The following RSU1 variants were observed in gnomAD, a reference collection of about 807,000 sequenced individuals.
The protein encoded by RSU1 is rsu-1.
A neutral mutation model predicts 31.1 loss-of-function variants in RSU1; 26 were observed. The observed-to-expected ratio is 0.84, with a 90% CI of 0.61 to 1.16. The LOEUF (loss-of-function observed/expected upper bound fraction) is 1.16, where lower values mean the gene tolerates loss of function less well. RSU1 is among the 50% of genes most tolerant of loss of function. RSU1 has a pLI of 0.00. For synonymous variants in RSU1, 164 were observed against 136.3 expected, an observed-to-expected ratio of 1.20 and a Z score of -1.41; for missense variants, 320 against 339.1, an observed-to-expected ratio of 0.94 and a Z score of 0.44.
At chr10:16,686,929 A>C (rs571572332) in intron 8 of RSU1, among the ~76,000 whole-genome samples, 1 of 152,322 alleles carries the variant, frequency 6.6e-6, no homozygotes, top group East Asian at 1.9e-4. Flanking sequence ...ATTGAATAAA[A>C]TGCAAATTGC....
At chr10:16,643,738 A>T (rs1403868776) in intron 8 of RSU1, among the ~76,000 whole-genome samples, 1 of 152,182 alleles carries the variant, frequency 6.6e-6, no homozygotes, top group Non-Finnish European at 1.5e-5. Context: ...TGCGCATACT[A>T]AGAGCACCTG....
chr10:16,760,932 T>G (rs1487455205), intron 4 of RSU1, among the ~76,000 whole-genome samples: 1 of 152,036 alleles, frequency 6.6e-6, no homozygotes, highest in African/African-American at 2.4e-5. Flanking sequence ...AAATTGGAGC[T>G]CGTTTATTTA....
intron 8 of RSU1, among the ~76,000 whole-genome samples, chr10:16,648,118 T>TA (rs35212403): frequency 0.2 from 28,626 of 142,450 alleles, 3,483 homozygotes; most frequent in South Asian, 0.35. Context: ...CTGGCTAATT[T>TA]AAAAAAAAAA....
rs764159802 is a variant in RSU1, at chr10:16,646,059, TATACAC to T, written c.731+48958_731+48963del. ...GTATATACATATATGTGTATATATA[TATACAC>T]ACACACACACACACACACACACACA... On this transcript the variant is annotated intron_variant, in intron 8 of 8. Transcript: ENST00000345264. 1.1e-3 allele frequency among the ~76,000 whole-genome samples: 36 copies of T among 31,462 alleles called. 7 individuals carry two copies. The highest frequency in any genetic ancestry group is 3.8e-3 in the Admixed American group (7 of 1,846). 20.6% of individuals were successfully genotyped at this position (31,462 alleles called of 152,430 possible). A position where few individuals can be genotyped will look rare whatever the true frequency, so the allele number is the denominator to read the frequency against.
At chr10:16,599,719 T>A (rs1833683916) in intron 8 of RSU1, among the ~76,000 whole-genome samples, 1 of 152,218 alleles carries the variant, frequency 6.6e-6, no homozygotes, top group Non-Finnish European at 1.5e-5. Flanking sequence ...GCTTCTAACC[T>A]CTTAGGAAGC....
At chr10:16,706,704 C>T (rs765422641) in intron 7 of RSU1, among the ~76,000 whole-genome samples, 1 of 152,166 alleles carries the variant, frequency 6.6e-6, no homozygotes, top group Non-Finnish European at 1.5e-5. Flanking sequence ...TTCATCACCT[C>T]ATGCACGTAT....
intron 7 of RSU1, among the ~76,000 whole-genome samples, chr10:16,725,192 A>T (rs1836362647): frequency 6.6e-6 from 1 of 152,176 alleles, no homozygotes; most frequent in Non-Finnish European, 1.5e-5. Flanking sequence ...TATAGTAGAG[A>T]TGGGAGAAGA....
At chr10:16,686,471 G>A (rs1835442112) in intron 8 of RSU1, among the ~76,000 whole-genome samples, 1 of 152,154 alleles carries the variant, frequency 6.6e-6, no homozygotes, top group Non-Finnish European at 1.5e-5. Flanking sequence ...CAAAAAAAAG[G>A]AGCTCAGAAT....
At chr10:16,791,674 C>A (rs1249950595) in intron 2 of RSU1, among the ~76,000 whole-genome samples, 4 of 151,652 alleles carry the variant, frequency 2.6e-5, no homozygotes, top group African/African-American at 7.3e-5. Flanking sequence ...AACTAAAACT[C>A]CTAGAGAAAG....
At chr10:16,646,585 G>A (rs1218804529) in intron 8 of RSU1, among the ~76,000 whole-genome samples, 1 of 152,144 alleles carries the variant, frequency 6.6e-6, no homozygotes, top group African/African-American at 2.4e-5. Flanking sequence ...TATATTTAAA[G>A]TGTTTTTTTC....
intron 7 of RSU1, among the ~76,000 whole-genome samples, chr10:16,702,631 C>A (rs1835815425): frequency 6.6e-6 from 1 of 152,222 alleles, no homozygotes; most frequent in Non-Finnish European, 1.5e-5. Flanking sequence ...TTTCTCCCTA[C>A]TGGAACAGGA....
intron 7 of RSU1, among the ~76,000 whole-genome samples, chr10:16,730,877 G>T (rs1349748957): frequency 1.3e-5 from 2 of 152,120 alleles, no homozygotes; most frequent in East Asian, 3.9e-4. Context: ...AGACTGCAGT[G>T]CAATGGCGTG....
At chr10:16,791,625 C>G (rs889578172) in intron 2 of RSU1, among the ~76,000 whole-genome samples, 10 of 136,106 alleles carry the variant, frequency 7.3e-5, no homozygotes, top group Non-Finnish European at 1.3e-4. Flanking sequence ...GAGACTCCGT[C>G]TCAAAAAAAC....
intron 7 of RSU1, among the ~76,000 whole-genome samples, chr10:16,722,732 C>G (rs1368468004): frequency 1.3e-5 from 2 of 151,876 alleles, no homozygotes; most frequent in Non-Finnish European, 2.9e-5. Context: ...GTCTTAAGAG[C>G]ACACTTTTTA....
chr10:16,600,007 CCT>C (rs1435170075), intron 8 of RSU1, among the ~76,000 whole-genome samples: 2 of 152,042 alleles, frequency 1.3e-5, no homozygotes, highest in Non-Finnish European at 2.9e-5. Flanking sequence ...GCATCTCTCC[CCT>C]GATAGCCGGG....
At chr10:16,648,722 T>C (rs568565290) in intron 8 of RSU1, among the ~76,000 whole-genome samples, 137 of 152,156 alleles carry the variant, frequency 9.0e-4, no homozygotes, top group Non-Finnish European at 1.6e-3. Context: ...ATTCAGAAGA[T>C]TTAGAACAAA....
At chr10:16,745,518 C>T (rs1836833443) in intron 7 of RSU1, among the ~76,000 whole-genome samples, 1 of 152,142 alleles carries the variant, frequency 6.6e-6, no homozygotes, top group Non-Finnish European at 1.5e-5. Context: ...AAGCAAGTCA[C>T]ATCTTACATG....
chr10:16,793,161 A>C (rs1837961301), intron 2 of RSU1, among the ~76,000 whole-genome samples: 1 of 152,254 alleles, frequency 6.6e-6, no homozygotes, highest in African/African-American at 2.4e-5. Flanking sequence ...AACTTTTAAA[A>C]TATCACGGTG....
Position 16,695,108 on chromosome 10 carries a change from T to C in RSU1, c.646A>G (p.Asn216Asp), listed in dbSNP as rs760825454. 2.5e-6 allele frequency: 4 copies of C among 1,588,612 alleles called. No individual in the cohort carries two copies. In the South Asian group the frequency reaches 3.3e-5, roughly 13 times the overall value. Residue 216 changes from asparagine to aspartate, a missense_variant, in exon 8 of 9, where the codon AAT becomes GAT. Physicochemically the swap from Asn to Asp is conservative, Grantham distance 23. Transcript: ENST00000345264. ...TCTGCAATGGGGGTCACCCAGGGATTGTTCTCTGCTTTGAATACCTGCTTC... is the reference window on the plus strand; with the variant it reads ...TCTGCAATGGGGGTCACCCAGGGATCGTTCTCTGCTTTGAATACCTGCTTC... ...GQKQVFKAEN[N>D]PWVTPIADQF... is the part of the protein sequence containing the mutation.
Sources: gnomAD v4.1 joint callset for allele counts (sites outside exome capture counted in the v4.1 genomes callset) on GRCh38, gnomAD v4.1.1 for gene constraint, MANE v1.5 for transcripts, NCBI Gene and HGNC (gene_info 2026-07-23, HGNC 2026-07-21) for gene names.